The following ZNF385D variants were observed in gnomAD, a reference collection of about 807,000 sequenced individuals.
The protein encoded by ZNF385D is zinc finger protein 385D.
In ZNF385D, 15 loss-of-function variants were observed where a neutral mutation model predicts 35.8. The ratio of observed to expected loss-of-function variants is 0.42; its 90% confidence interval spans 0.28 to 0.64. The LOEUF (loss-of-function observed/expected upper bound fraction) is 0.64. Ranked by LOEUF, ZNF385D falls within the 30% of genes least tolerant of loss-of-function variation. ZNF385D has a pLI of 0.23. For synonymous variants in ZNF385D, 212 were observed against 186.8 expected, an observed-to-expected ratio of 1.13 and a Z score of -1.10; for missense variants, 474 against 494.6, an observed-to-expected ratio of 0.96 and a Z score of 0.39.
chr3:21,637,393 C>G (rs1156935309), intron 2 of ZNF385D, among the ~76,000 whole-genome samples: 1 of 151,950 alleles, frequency 6.6e-6, no homozygotes, highest in African/African-American at 2.4e-5. Flanking sequence ...TTTGCTTTGT[C>G]AAAGATTAGT....
At chr3:22,233,598 A>G (rs1039861057) in intron 2 of ZNF385D, among the ~76,000 whole-genome samples, 2 of 151,832 alleles carry the variant, frequency 1.3e-5, no homozygotes, top group Non-Finnish European at 2.9e-5. Context: ...AAAAGTGCCC[A>G]CTCTTCTTAT....
At chr3:21,863,653 T>C (rs776205327) in intron 3 of ZNF385D, among the ~76,000 whole-genome samples, 6 of 152,056 alleles carry the variant, frequency 3.9e-5, no homozygotes, top group Admixed American at 1.3e-4. Flanking sequence ...GTCTACTGAA[T>C]AGTGGAAGAA....
At chr3:21,702,909 T>C (rs753107179) in intron 1 of ZNF385D, among the ~76,000 whole-genome samples, 1 of 152,152 alleles carries the variant, frequency 6.6e-6, no homozygotes, top group Non-Finnish European at 1.5e-5. Flanking sequence ...CTATAAGCAA[T>C]TTTTTTCAAA....
At chr3:22,206,722 A>G (rs575735598) in intron 2 of ZNF385D, among the ~76,000 whole-genome samples, 1 of 151,962 alleles carries the variant, frequency 6.6e-6, no homozygotes, top group Non-Finnish European at 1.5e-5. Flanking sequence ...AAATTTCTTG[A>G]AACAAATGAT....
chr3:21,582,708 C>T (rs1176839831), intron 2 of ZNF385D, among the ~76,000 whole-genome samples: 2 of 152,192 alleles, frequency 1.3e-5, no homozygotes, highest in Non-Finnish European at 2.9e-5. Context: ...CAGAATTTCT[C>T]TTAACCATGT....
At chr3:21,740,926 G>A (rs1159821849) in intron 1 of ZNF385D, among the ~76,000 whole-genome samples, 3 of 152,164 alleles carry the variant, frequency 2.0e-5, no homozygotes, top group African/African-American at 4.8e-5. Flanking sequence ...CCGGGATAGC[G>A]CTTTGACATT....
intron 3 of ZNF385D, among the ~76,000 whole-genome samples, chr3:22,120,382 T>C (rs1418943636): frequency 6.6e-6 from 1 of 152,130 alleles, no homozygotes; most frequent in Non-Finnish European, 1.5e-5. Context: ...CCCTTCCTCT[T>C]CTTATGAGGA....
At chr3:22,120,708 T>C (rs1008556014) in intron 3 of ZNF385D, among the ~76,000 whole-genome samples, 6 of 152,194 alleles carry the variant, frequency 3.9e-5, no homozygotes, top group African/African-American at 1.4e-4. Flanking sequence ...ATCTAGCTTA[T>C]AGTGCTATCA....
chr3:21,916,295 C>CT (rs1209731797), intron 3 of ZNF385D, among the ~76,000 whole-genome samples: 1 of 151,988 alleles, frequency 6.6e-6, no homozygotes, highest in Non-Finnish European at 1.5e-5. Context: ...ATCATGTATA[C>CT]TTTTTTCTGG....
At chr3:21,968,584 C>A (rs1035154678) in intron 3 of ZNF385D, among the ~76,000 whole-genome samples, 1 of 152,106 alleles carries the variant, frequency 6.6e-6, no homozygotes, top group Non-Finnish European at 1.5e-5. Flanking sequence ...CAGGCCCTAG[C>A]TGTCATACTT....
chr3:22,130,183 G>A (rs979895544), intron 3 of ZNF385D, among the ~76,000 whole-genome samples: 1 of 152,066 alleles, frequency 6.6e-6, no homozygotes, highest in Non-Finnish European at 1.5e-5. Flanking sequence ...GGCTAAGCTG[G>A]AATCCAAGTT....
chr3:22,145,788 T>C (rs187959487), intron 3 of ZNF385D, among the ~76,000 whole-genome samples: 36 of 152,200 alleles, frequency 2.4e-4, no homozygotes, highest in Admixed American at 1.8e-3. Context: ...AGCCTAAGAG[T>C]GGAGGCCAGT....
chr3:22,079,022 T>C (rs542526211), intron 3 of ZNF385D, among the ~76,000 whole-genome samples: 2 of 152,172 alleles, frequency 1.3e-5, no homozygotes, highest in Admixed American at 1.3e-4. Context: ...AGTTTTAGAA[T>C]AACCAGAGCT....
chr3:22,091,786 T>C (rs1701344072), intron 3 of ZNF385D, among the ~76,000 whole-genome samples: 1 of 152,236 alleles, frequency 6.6e-6, no homozygotes, highest in Non-Finnish European at 1.5e-5. Context: ...GTTATATGCA[T>C]GTTTTTATTT....
chr3:21,926,221 G>A (rs1466195699), intron 3 of ZNF385D, among the ~76,000 whole-genome samples: 1 of 151,942 alleles, frequency 6.6e-6, no homozygotes, highest in African/African-American at 2.4e-5. Context: ...TGCCACAGTG[G>A]TTTGCTGCTC....
chr3:21,890,277 C>G (rs1357479178), intron 3 of ZNF385D, among the ~76,000 whole-genome samples: 2 of 152,136 alleles, frequency 1.3e-5, no homozygotes, highest in African/African-American at 2.4e-5. Flanking sequence ...TTCCTTAAGA[C>G]TAAAAGAAGT....
chr3:21,473,972 T>G (rs73044479), intron 4 of ZNF385D, among the ~76,000 whole-genome samples: 20,583 of 152,080 alleles, frequency 0.14, 1,674 homozygotes, highest in East Asian at 0.19. Context: ...CCTTGTTATA[T>G]ATATATAAAT....
At chr3:22,221,837 C>T (rs1294532927) in intron 2 of ZNF385D, among the ~76,000 whole-genome samples, 1 of 152,120 alleles carries the variant, frequency 6.6e-6, no homozygotes, top group Non-Finnish European at 1.5e-5. Context: ...CTTTATTCAT[C>T]AAAACCTCTA....
chr3:22,026,088 G>A (rs1697530570), intron 3 of ZNF385D, among the ~76,000 whole-genome samples: 2 of 152,176 alleles, frequency 1.3e-5, no homozygotes, highest in African/African-American at 4.8e-5. Context: ...AGTGTTGCTA[G>A]AGGTTGACAT....
Sources: gnomAD v4.1 joint callset for allele counts (sites outside exome capture counted in the v4.1 genomes callset) on GRCh38, gnomAD v4.1.1 for gene constraint, MANE v1.5 for transcripts, NCBI Gene and HGNC (gene_info 2026-07-23, HGNC 2026-07-21) for gene names.